The following CTBP2 variants were observed in gnomAD, a reference collection of about 807,000 sequenced individuals.
The protein encoded by CTBP2 is C-terminal binding protein 2.
Under a neutral mutation model 80.3 loss-of-function variants are expected in CTBP2, and 30 were observed. That is an observed-to-expected ratio of 0.37 (90% CI 0.28 to 0.51). The LOEUF (loss-of-function observed/expected upper bound fraction) is 0.51. CTBP2 is among the 20% of genes least tolerant of loss of function. The probability of loss-of-function intolerance (pLI) is 0.93; values close to 1 mark genes in which losing one functional copy is unlikely to be tolerated. For missense variants in CTBP2, 1,212 were observed against 1,375.3 expected (o/e 0.88, Z 1.88); for synonymous variants, 594 against 587.4 (o/e 1.01, Z -0.16).
intron 1 of CTBP2, among the ~76,000 whole-genome samples, chr10:125,153,306 C>T (rs1382916131): frequency 2.6e-5 from 4 of 152,242 alleles, no homozygotes; most frequent in Non-Finnish European, 5.9e-5. Context: ...TGGGAGCTGG[C>T]TGCAGCAACA....
At chr10:125,136,527 C>A (rs976712921) in intron 1 of CTBP2, among the ~76,000 whole-genome samples, 2 of 152,212 alleles carry the variant, frequency 1.3e-5, no homozygotes, top group Non-Finnish European at 2.9e-5. Context: ...AGGCCCTCCT[C>A]TTTTGTGTGC....
Position 125,026,970 on chromosome 10 carries a change from T to C in CTBP2, c.790A>G (p.Ile264Val). 6.2e-7 allele frequency: 1 copy of C among 1,614,074 alleles called. No homozygotes were observed. The highest frequency in any genetic ancestry group is 8.5e-7 in the Non-Finnish European group (1 of 1,180,018). Residue 264 changes from isoleucine (I) to valine (V), a missense_variant, in exon 1 of 9, where the codon ATC becomes GTC. Transcript: ENST00000309035. ...GTCTCGTAAGCCATCTTGGATGGGA[T>C]GCTTTCCCGGGCAGGCCCGTAGCCA... is the stretch of plus-strand genomic sequence containing the variant.
intron 1 of CTBP2, among the ~76,000 whole-genome samples, chr10:125,023,235 A>G (rs963127970): frequency 1.3e-5 from 2 of 152,240 alleles, no homozygotes; most frequent in South Asian, 2.1e-4. Context: ...AAGAAAATGG[A>G]AAAAGCTCAG....
At chr10:125,005,990 G>C in intron 1 of CTBP2, 1 of 1,445,288 alleles carries the variant, frequency 6.9e-7, no homozygotes, top group South Asian at 1.5e-5. Context: ...GATGCGTCTG[G>C]GGAGCCTGAG....
intron 1 of CTBP2, among the ~76,000 whole-genome samples, chr10:125,139,462 A>G (rs1050071847): frequency 1.3e-5 from 2 of 151,758 alleles, no homozygotes; most frequent in African/African-American, 4.8e-5. Flanking sequence ...GAATGAGGGC[A>G]GAGGATTTTC....
chr10:124,988,554 A>G lies in CTBP2; in HGVS notation c.*964T>C, dbSNP rs1157609146. ...GGCCATCTTTTTAAACAAAAAGGCA[A>G]TGATTCACAAAAGACTATGAATAGA... On this transcript the variant is annotated 3_prime_UTR_variant, in exon 9 of 9. Coordinates refer to ENST00000309035, the MANE Select transcript of CTBP2 (RefSeq NM_022802.3). 1.3e-5 allele frequency: 2 copies of G among 152,688 alleles called. No individual in the cohort carries two copies. The highest frequency in any genetic ancestry group is 2.4e-5 in the African/African-American group (1 of 41,460). 9.5% of individuals were successfully genotyped at this position (152,688 alleles called of 1,614,324 possible).
At chr10:125,014,059 G>A (rs1956220259) in intron 1 of CTBP2, among the ~76,000 whole-genome samples, 1 of 152,172 alleles carries the variant, frequency 6.6e-6, no homozygotes, top group African/African-American at 2.4e-5. Context: ...AGATCTTGCA[G>A]CCTAAAAGAG....
chr10:125,028,905 C>T (rs1296919332), upstream of CTBP2, among the ~76,000 whole-genome samples: 1 of 152,202 alleles, frequency 6.6e-6, no homozygotes, highest in South Asian at 2.1e-4. Context: ...ATGCAAAGAA[C>T]AGCAGTTATT....
chr10:125,055,647 C>T (rs1963735602), intron 2 of CTBP2, among the ~76,000 whole-genome samples: 1 of 152,162 alleles, frequency 6.6e-6, no homozygotes, highest in Non-Finnish European at 1.5e-5. Context: ...CCACACCCCA[C>T]AATCCCCGAA....
At chr10:125,073,276 G>A (rs547810744) in intron 2 of CTBP2, among the ~76,000 whole-genome samples, 4 of 152,236 alleles carry the variant, frequency 2.6e-5, no homozygotes, top group East Asian at 3.9e-4. Context: ...TCCCTCTGTC[G>A]CCAGGCTGGA....
intron 1 of CTBP2, among the ~76,000 whole-genome samples, chr10:125,025,063 G>A (rs912711911): frequency 3.3e-5 from 5 of 152,024 alleles, no homozygotes; most frequent in African/African-American, 9.7e-5. Flanking sequence ...CCAGCGCCTC[G>A]GTCCCCGCCT....
In CTBP2 at chr10:124,985,051, G is replaced by T. The variant is rs1417496160; in HGVS notation, c.*4467C>A. The T allele has an allele frequency of 2.2e-6, 3 of 1,348,232 alleles. No homozygotes were observed. Among genetic ancestry groups the T allele is most frequent in the Non-Finnish European group, 2.1e-6 (2 of 967,214 alleles). The allele number at this position is 1,348,232 out of a possible 1,614,324, so 83.5% of individuals were successfully genotyped here. On this transcript the variant is annotated 3_prime_UTR_variant, in exon 9 of 9. Coordinates refer to ENST00000309035, the MANE Select transcript of CTBP2 (RefSeq NM_022802.3). Reference sequence around the variant, plus strand: ...CAGATCTGTAATGACCCTAAAGTTAGTGTGGTGCTCCAAGCAGAGTCGACA... The same window carrying T: ...CAGATCTGTAATGACCCTAAAGTTATTGTGGTGCTCCAAGCAGAGTCGACA...
chr10:125,016,651 C>G (rs1442405671), intron 1 of CTBP2, among the ~76,000 whole-genome samples: 1 of 152,240 alleles, frequency 6.6e-6, no homozygotes, highest in Non-Finnish European at 1.5e-5. Flanking sequence ...GAAAGTGATC[C>G]GCGAGGACTG....
At chr10:125,019,349 C>T (rs1956828553) in intron 1 of CTBP2, among the ~76,000 whole-genome samples, 1 of 152,128 alleles carries the variant, frequency 6.6e-6, no homozygotes, top group African/African-American at 2.4e-5. Context: ...AAAACCTCTC[C>T]CACGTATGAG....
chr10:125,142,686 G>A (rs1858038951), intron 1 of CTBP2, among the ~76,000 whole-genome samples: 2 of 152,184 alleles, frequency 1.3e-5, no homozygotes, highest in Non-Finnish European at 1.5e-5. Context: ...TAAATGACTT[G>A]CTTTATGCAG....
intron 1 of CTBP2, among the ~76,000 whole-genome samples, chr10:125,117,112 G>A (rs1268658260): frequency 6.6e-6 from 1 of 152,222 alleles, no homozygotes; most frequent in Non-Finnish European, 1.5e-5. Flanking sequence ...CCACACCTGT[G>A]CTCTCCCACA....
chr10:125,034,309 A>G (rs373362360), intron 3 of CTBP2, among the ~76,000 whole-genome samples: 2 of 152,226 alleles, frequency 1.3e-5, no homozygotes, highest in African/African-American at 4.8e-5. Flanking sequence ...CCGGGGACAG[A>G]TAAGGCAAAA....
chr10:125,081,223 T>C (rs1847126641), intron 2 of CTBP2, among the ~76,000 whole-genome samples: 1 of 152,160 alleles, frequency 6.6e-6, no homozygotes, highest in African/African-American at 2.4e-5. Flanking sequence ...ATCAATGTCA[T>C]GGTACAAAGG....
At chr10:124,998,536 A>G in intron 3 of CTBP2, 1 of 323,854 alleles carries the variant, frequency 3.1e-6, no homozygotes, top group Non-Finnish European at 5.8e-6. Flanking sequence ...AGACTCCTCC[A>G]AGTGGACCCC....
Sources: gnomAD v4.1 joint callset for allele counts (sites outside exome capture counted in the v4.1 genomes callset) on GRCh38, gnomAD v4.1.1 for gene constraint, MANE v1.5 for transcripts, NCBI Gene and HGNC (gene_info 2026-07-23, HGNC 2026-07-21) for gene names.